Variants in AHDC1 observed in about 807,000 individuals in gnomAD.
AHDC1 encodes the protein AT-hook DNA binding motif containing 1.
Under a neutral mutation model 87.9 loss-of-function variants are expected in AHDC1, and 7 were observed. That is an observed-to-expected ratio of 0.08 (90% CI 0.05 to 0.15). AHDC1 has a LOEUF of 0.15. AHDC1 is among the 10% of genes least tolerant of loss of function. AHDC1 has a pLI of 1.00. For missense variants in AHDC1, 1,841 were observed against 2,253.2 expected (o/e 0.82, Z 3.70); for synonymous variants, 1,051 against 1,006.8 (o/e 1.04, Z -0.83).
chr1:27,584,719 C>T (rs1438856140), intron 3 of AHDC1, among the ~76,000 whole-genome samples: 2 of 152,160 alleles, frequency 1.3e-5, no homozygotes, highest in African/African-American at 2.4e-5. Context: ...CAGCCTGACA[C>T]TCTGCCTGTT....
Position 27,563,979 on chromosome 1 carries a change from T to G in AHDC1, c.-628-5096A>C, listed in dbSNP as rs1364400364. On this transcript the variant is annotated intron_variant, in intron 3 of 8. Transcript: ENST00000673934. This position sits in a 1 kb window ranked among gnomAD's most constrained non-coding sequence, Gnocchi z 6.1. Reference sequence around the variant, plus strand: ...AGACTGCTTAGAGATCAGTGGGGAGTAGGGCGGTTAGGGGTTGCTATCACC... The same window carrying G: ...AGACTGCTTAGAGATCAGTGGGGAGGAGGGCGGTTAGGGGTTGCTATCACC... Among the ~76,000 whole-genome samples, 1 of 151,582 alleles carries G rather than the reference T, an allele frequency of 6.6e-6. No individual in the cohort carries two copies. The highest frequency in any genetic ancestry group is 6.6e-5 in the Admixed American group (1 of 15,218).
At chr1:27,564,066 C>T (rs2020216656) in intron 3 of AHDC1, among the ~76,000 whole-genome samples, 1 of 152,138 alleles carries the variant, frequency 6.6e-6, no homozygotes. Context: ...CCAGGGGAGC[C>T]CTTCTTCCTT....
Position 27,548,537 on chromosome 1 carries a change from C to T in AHDC1, c.3579G>A (p.Glu1193=), listed in dbSNP as rs375526116. ...CCAGGCTGGACAGGCTCGACTGGCC[C>T]TCACTACTTGAGGCCTCGCTGTTGG... The part of the protein sequence containing the change: ...RRANSEASSS[E]GQSSLSSLEK... Residue 1193 remains glutamate (E), a synonymous_variant, in exon 8 of 9, where the codon GAG becomes GAA. Transcript: ENST00000673934. 33 of 1,613,594 alleles carry T rather than the reference C, an allele frequency of 2.0e-5. No homozygotes were observed. In the Admixed American group the frequency reaches 3.2e-4, roughly 15 times the overall value.
At chr1:27,602,244 G>T (rs2089549192) in intron 3 of AHDC1, among the ~76,000 whole-genome samples, 1 of 151,886 alleles carries the variant, frequency 6.6e-6, no homozygotes, top group African/African-American at 2.4e-5. Flanking sequence ...CCCAGGGTCT[G>T]CGGTAGAGAA....
rs534403874 is a variant in AHDC1, at chr1:27,548,749, C to T, written c.3367G>A (p.Ala1123Thr). 230 of 1,613,238 alleles carry T rather than the reference C, an allele frequency of 1.4e-4. 1 individual carries two copies. Among genetic ancestry groups the T allele is most frequent in the South Asian group, 1.3e-3 (115 of 91,090 alleles). The change falls in exon 8 of 9, where the codon GCC (alanine) becomes ACC (threonine). Residue 1123 changes from alanine to threonine, a missense_variant. Coordinates refer to ENST00000673934, the MANE Select transcript of AHDC1 (RefSeq NM_001371928.1). The stretch of plus-strand genomic sequence containing the variant: ...CTGGGATTGTAGAGCTGACTAAAGG[C>T]CTCTGAGGCCCAGTCCAGGCCTCCA... ...GYGGLDWASE[A>T]FSQLYNPSFD...
chr1:27,564,832 C>T (rs1484793945), intron 3 of AHDC1, among the ~76,000 whole-genome samples: 2 of 152,144 alleles, frequency 1.3e-5, no homozygotes, highest in African/African-American at 4.8e-5. Flanking sequence ...ACCTCCCACC[C>T]CATCATGACC....
rs2019393095 is a variant in AHDC1, at chr1:27,549,431, G to A, written c.2685C>T (p.Ala895=). The change falls in exon 8 of 9, where the codon GCC becomes GCT. Residue 895 remains alanine (A), a synonymous_variant. Transcript: ENST00000673934. ...CGCTGCTACCCACTGCCACTGGGCT[G>A]GCCTTGGCTCCCCGGCTAGGGAAGG... ...LATFPSRGAK[A]SPVAVGSSGA... is the part of the protein sequence containing the mutation. 2 of 1,612,908 alleles carry A rather than the reference G, an allele frequency of 1.2e-6. No individual in the cohort carries two copies. The highest frequency in any genetic ancestry group is 8.5e-7 in the Non-Finnish European group (1 of 1,179,828).
Position 27,547,820 on chromosome 1 carries a change from G to C in AHDC1, c.4296C>G (p.Ala1432=), listed in dbSNP as rs1421570933. 1 of 1,552,250 alleles carries C rather than the reference G, an allele frequency of 6.4e-7. No individual in the cohort carries two copies. The highest frequency in any genetic ancestry group is 8.7e-7 in the Non-Finnish European group (1 of 1,147,312). Residue 1432 remains alanine (A), a synonymous_variant, in exon 8 of 9, where the codon GCC becomes GCG. Transcript: ENST00000673934. The surrounding 1 kb of genome is among the most constrained non-coding windows in gnomAD (Gnocchi z 4.9). ...CEPLKHGLQG[A]SLGHAAAAQA... is the part of the protein sequence containing the mutation. Reference sequence around the variant, plus strand: ...GGGCTGCAGCTGCGTGGCCCAGGCTGGCCCCCTGGAGTCCATGCTTGAGGG... The same window carrying C: ...GGGCTGCAGCTGCGTGGCCCAGGCTCGCCCCCTGGAGTCCATGCTTGAGGG...
At chr1:27,586,287 A>C (rs1449279992) in intron 3 of AHDC1, among the ~76,000 whole-genome samples, 4 of 151,978 alleles carry the variant, frequency 2.6e-5, no homozygotes, top group Non-Finnish European at 5.9e-5. Context: ...GAGGGAGGGA[A>C]AGGAGGAGCC....
Position 27,547,189 on chromosome 1 carries a change from C to G in AHDC1, c.*43+72G>C. ...TGCTTCCTGCACTCCATACCTCTGTCCTTGCCTAAGCTCTGATGTCCTCTT... is the reference window on the plus strand; with the variant it reads ...TGCTTCCTGCACTCCATACCTCTGTGCTTGCCTAAGCTCTGATGTCCTCTT... On this transcript the variant is annotated intron_variant, in intron 8 of 8. Transcript: ENST00000673934. This position sits in a 1 kb window ranked among gnomAD's most constrained non-coding sequence, Gnocchi z 4.9. 4 of 1,125,870 alleles carry G rather than the reference C, an allele frequency of 3.6e-6. No individual in the cohort carries two copies. The highest frequency in any genetic ancestry group is 5.0e-6 in the Non-Finnish European group (4 of 797,768). 69.7% of individuals were successfully genotyped at this position (1,125,870 alleles called of 1,614,324 possible).
At position 27,549,976 on chromosome 1, in the gene AHDC1, C is replaced by T. The variant is rs755558483; in HGVS notation, c.2140G>A (p.Gly714Ser). The T allele has an allele frequency of 6.8e-6, 11 of 1,605,860 alleles. No homozygotes were observed. The East Asian group carries it at 1.6e-4, about 23-fold the overall frequency. ...TGCCCCAACTCAGTAAGGCCCGGGC[C>T]CCCGACCCCAGCGGCTGCCACGGCC... ...VVAVAAAGVGGPGLTELGHPR... is the reference protein window; with the variant it reads ...VVAVAAAGVGSPGLTELGHPR... The change falls in exon 8 of 9, where the codon GGC (glycine) becomes AGC (serine). Residue 714 changes from glycine to serine, a missense_variant. By Grantham distance (56) the Gly-to-Ser change is moderately conservative. This residue lies in a region of AHDC1 where 236 missense variants were observed against 257.9 expected (regional missense o/e 0.92). Transcript: ENST00000673934.
In AHDC1 at chr1:27,549,644, G is replaced by C; in HGVS notation, c.2472C>G (p.Gly824=). Residue 824 remains glycine (G), a synonymous_variant, in exon 8 of 9, where the codon GGC becomes GGG. Coordinates refer to ENST00000673934, the MANE Select transcript of AHDC1 (RefSeq NM_001371928.1). Reference sequence around the variant, plus strand: ...GGCGCTCCTGGCTGAGCTCGGTCTGGCCTGAGGGTGCACCCGTGCTGTAGT... The same window carrying C: ...GGCGCTCCTGGCTGAGCTCGGTCTGCCCTGAGGGTGCACCCGTGCTGTAGT... ...GSYYSTGAPS[G]QTELSQERQN... 1 of 1,613,148 alleles carries C rather than the reference G, an allele frequency of 6.2e-7. No individual in the cohort carries two copies. The highest frequency in any genetic ancestry group is 8.5e-7 in the Non-Finnish European group (1 of 1,180,020).
At chr1:27,539,643 A>C (rs1005287282) in intron 8 of AHDC1, among the ~76,000 whole-genome samples, 4 of 151,104 alleles carry the variant, frequency 2.6e-5, no homozygotes, top group African/African-American at 9.8e-5. Context: ...ACAGGGTTTC[A>C]CCATGTTGGT....
intron 3 of AHDC1, among the ~76,000 whole-genome samples, chr1:27,578,991 C>T (rs565546023): frequency 2.0e-5 from 3 of 151,792 alleles, no homozygotes; most frequent in Admixed American, 1.3e-4. Context: ...CCACCACACC[C>T]GGACACATAT....
In AHDC1 at chr1:27,579,586, C is replaced by T. The variant is rs1334280762; in HGVS notation, c.-628-20703G>A. Among the ~76,000 whole-genome samples, 3 of 149,830 alleles carry T rather than the reference C, an allele frequency of 2.0e-5. No individual in the cohort carries two copies. In the South Asian group the frequency reaches 6.2e-4, roughly 31 times the overall value. On this transcript the variant is annotated intron_variant, in intron 3 of 8. Transcript: ENST00000673934. ...CAGCCTGACATGTCAACATTGTTTG[C>T]TTAGATCACTGTCTAATTAGGTTTA... is the stretch of plus-strand genomic sequence containing the variant.
intron 8 of AHDC1, among the ~76,000 whole-genome samples, chr1:27,541,923 C>T (rs994117782): frequency 6.6e-6 from 1 of 152,266 alleles, no homozygotes; most frequent in African/African-American, 2.4e-5. Context: ...AGCCACCGCG[C>T]CTGGCAAGGA....
chr1:27,556,119 C>G (rs541270110), intron 5 of AHDC1, among the ~76,000 whole-genome samples: 5 of 152,258 alleles, frequency 3.3e-5, no homozygotes, highest in African/African-American at 1.2e-4. Context: ...GCTGGGGGCC[C>G]CAACCTGCTG....
intron 3 of AHDC1, among the ~76,000 whole-genome samples, chr1:27,601,662 G>A (rs2089530844): frequency 6.6e-6 from 1 of 152,250 alleles, no homozygotes; most frequent in Non-Finnish European, 1.5e-5. Context: ...ATGGCAAGCA[G>A]CATGCACATG....
intron 3 of AHDC1, among the ~76,000 whole-genome samples, chr1:27,603,143 A>ACCCCCCCCCCCCCCCCCCCCCCCCCCC (rs1156376060): frequency 9.1e-6 from 1 of 110,424 alleles, no homozygotes; most frequent in Non-Finnish European, 2.0e-5. Flanking sequence ...AAACCCGAGA[A>ACCCCCCCCCCCCCCCCCCCCCCCCCCC]CCCCCCCTCC....
Sources: allele counts gnomAD v4.1 joint callset (sites outside exome capture counted in the v4.1 genomes callset), GRCh38; gene constraint gnomAD v4.1.1; regional missense constraint gnomAD v4.1.1; non-coding constraint Gnocchi (gnomAD v3.1); transcripts MANE v1.5; gene names NCBI Gene and HGNC (gene_info 2026-07-23, HGNC 2026-07-21).